Variants in CD2 observed in about 807,000 individuals in gnomAD.
The protein encoded by CD2 is T-cell surface antigen CD2.
In CD2, 18 loss-of-function variants were observed where a neutral mutation model predicts 23.2. The observed-to-expected ratio is 0.77, with a 90% confidence interval of 0.54 to 1.15. The LOEUF is 1.15. CD2 is among the 50% of genes most tolerant of loss of function. CD2 has a pLI of 0.00. For missense variants in CD2, 424 were observed against 423.1 expected (o/e 1.00, Z -0.02); for synonymous variants, 162 against 151.9 (o/e 1.07, Z -0.49).
In CD2 at chr1:116,768,879, A is replaced by T; in HGVS notation, c.*96A>T. 8.0e-7 allele frequency: 1 copy of T among 1,254,480 alleles called. No homozygotes were observed. The highest frequency in any genetic ancestry group is 1.5e-5 in the African/African-American group (1 of 66,054). The allele number at this position is 1,254,480 out of a possible 1,614,324, so 77.7% of individuals were successfully genotyped here. ...CTTCCATGAGGTGTTTTCTGTGTGC[A>T]GAACATTGTCACCTCCTGAGGCTGT... On this transcript the variant is annotated 3_prime_UTR_variant, in exon 5 of 5. Transcript: ENST00000369478.
chr1:116,762,454 C>T (rs3136706), intron 3 of CD2, among the ~76,000 whole-genome samples: 40,519 of 151,924 alleles, frequency 0.27, 5,524 homozygotes, highest in South Asian at 0.37. Context: ...CGAGAAGGAC[C>T]ACTAGGGAGA....
intron 3 of CD2, among the ~76,000 whole-genome samples, chr1:116,761,305 G>A (rs993686431): frequency 3.9e-5 from 6 of 152,240 alleles, no homozygotes; most frequent in Non-Finnish European, 8.8e-5. Context: ...CCTGGGAGTA[G>A]AGGTCTGGAC....
chr1:116,767,538 C>T (rs554915642), intron 4 of CD2, among the ~76,000 whole-genome samples: 1 of 151,416 alleles, frequency 6.6e-6, no homozygotes, highest in African/African-American at 2.4e-5. Flanking sequence ...CTGCAGTGAG[C>T]CAAGATCGCA....
chr1:116,765,173 G>T (rs1478972136), intron 4 of CD2, among the ~76,000 whole-genome samples: 5 of 152,300 alleles, frequency 3.3e-5, no homozygotes, highest in South Asian at 2.1e-4. Flanking sequence ...GCAATGAAAA[G>T]GTTATGCTTG....
At chr1:116,757,914 C>T (rs1431388339) in intron 2 of CD2, among the ~76,000 whole-genome samples, 2 of 151,814 alleles carry the variant, frequency 1.3e-5, no homozygotes, top group South Asian at 4.2e-4. Flanking sequence ...GGATTAGAGG[C>T]GCATGCCAAC....
At chr1:116,764,814 C>T (rs1652166083) in intron 4 of CD2, 2 of 558,908 alleles carry the variant, frequency 3.6e-6, no homozygotes, top group Admixed American at 3.1e-5. Flanking sequence ...AATGTGGGAG[C>T]TTTGAGACAC....
Position 116,767,245 on chromosome 1 carries a change from A to T in CD2, c.737-1219A>T, listed in dbSNP as rs114066987. On this transcript the variant is annotated intron_variant, in intron 4 of 4. Coordinates refer to ENST00000369478, the MANE Select transcript of CD2 (RefSeq NM_001767.5). ...ATCAACATCCGGAAGTTACAGGGTG[A>T]TGCTTAGAGAGGGCTTGTGCTTCCC... 3.4e-3 allele frequency among the ~76,000 whole-genome samples: 525 copies of T among 152,286 alleles called. 3 individuals carry two copies. The highest frequency in any genetic ancestry group is 8.3e-3 in the Admixed American group (127 of 15,298).
chr1:116,762,774 C>T (rs967625735), intron 3 of CD2, among the ~76,000 whole-genome samples: 1 of 152,202 alleles, frequency 6.6e-6, no homozygotes, highest in African/African-American at 2.4e-5. Context: ...ACAGTGCCAC[C>T]GCTGCTTCTG....
intron 4 of CD2, among the ~76,000 whole-genome samples, chr1:116,768,071 A>C (rs1208601571): frequency 6.6e-6 from 1 of 152,216 alleles, no homozygotes; most frequent in African/African-American, 2.4e-5. Context: ...TGTAGTTACT[A>C]ATATCCTCCA....
At chr1:116,760,720 T>G in intron 3 of CD2, 88 bp downstream of exon 3, 1 of 997,416 alleles carries the variant, frequency 1.0e-6, no homozygotes, top group Non-Finnish European at 1.6e-6. Context: ...GTGCTCATGC[T>G]GGGAGGCAGC....
intron 4 of CD2, 103 bp from the exon 5 acceptor site, chr1:116,768,361 C>A: frequency 1.8e-6 from 2 of 1,083,608 alleles, no homozygotes; most frequent in African/African-American, 1.6e-5. Flanking sequence ...CTCATTGCAT[C>A]CCCCAAAGCA....
chr1:116,755,052 CA>C (rs1231575433), intron 2 of CD2, 101 bp downstream of exon 2: 11 of 790,574 alleles, frequency 1.4e-5, no homozygotes, highest in Non-Finnish European at 2.0e-5. Context: ...CCTCTGCCTC[CA>C]GGGGGGCTAT....
At chr1:116,758,248 G>T in intron 2 of CD2, among the ~76,000 whole-genome samples, 1 of 152,206 alleles carries the variant, frequency 6.6e-6, no homozygotes. Context: ...GCCCACGGAT[G>T]CTGGGCAGGG....
intron 4 of CD2, 163 bp downstream of exon 4, chr1:116,764,769 G>A: frequency 1.6e-6 from 1 of 624,846 alleles, no homozygotes; most frequent in Non-Finnish European, 2.8e-6. Flanking sequence ...TTTGTGGTTA[G>A]CTTGATTTTT....
At chr1:116,768,280 A>G (rs1335057673) in intron 4 of CD2, among the ~76,000 whole-genome samples, 184 bp from the exon 5 acceptor site, 4 of 152,044 alleles carry the variant, frequency 2.6e-5, no homozygotes, top group Non-Finnish European at 5.9e-5. Context: ...CTTTCACTCT[A>G]CCTTATGGTG....
intron 2 of CD2, among the ~76,000 whole-genome samples, chr1:116,759,058 T>C (rs1324620341): frequency 6.6e-6 from 1 of 152,092 alleles, no homozygotes; most frequent in Non-Finnish European, 1.5e-5. Flanking sequence ...ATCACCACAA[T>C]CATGTTACTG....
At chr1:116,757,750 TATAG>T (rs1388867392) in intron 2 of CD2, among the ~76,000 whole-genome samples, 17 of 149,328 alleles carry the variant, frequency 1.1e-4, no homozygotes, top group African/African-American at 3.5e-4. Context: ...CATATATATA[TATAG>T]AGAGAGAGAG....
Position 116,768,767 on chromosome 1 carries a change from C to T in CD2, c.1040C>T (p.Ser347Phe), listed in dbSNP as rs199707099. The part of the protein sequence containing the change: ...PPHGAAENSL[S>F]PSSN Reference sequence around the variant, plus strand: ...CATGGGGCAGCAGAAAACTCATTGTCCCCTTCCTCTAATTAAAAAAGATAG... The same window carrying T: ...CATGGGGCAGCAGAAAACTCATTGTTCCCTTCCTCTAATTAAAAAAGATAG... The change falls in exon 5 of 5, where the codon TCC becomes TTC. Residue 347 changes from serine to phenylalanine, a missense_variant. Physicochemically the swap from Ser to Phe is radical, Grantham distance 155. Coordinates refer to ENST00000369478, the MANE Select transcript of CD2 (RefSeq NM_001767.5). 8 of 1,609,182 alleles carry T rather than the reference C, an allele frequency of 5.0e-6. No individual in the cohort carries two copies. The highest frequency in any genetic ancestry group is 2.5e-6 in the Non-Finnish European group (3 of 1,178,400).
chr1:116,760,018 T>C (rs1651989685), intron 2 of CD2, among the ~76,000 whole-genome samples: 1 of 152,206 alleles, frequency 6.6e-6, no homozygotes, highest in Non-Finnish European at 1.5e-5. Flanking sequence ...CTGCCATGTT[T>C]TAGGTGGTGC....
Sources: gnomAD v4.1 joint callset for allele counts (sites outside exome capture counted in the v4.1 genomes callset) on GRCh38, gnomAD v4.1.1 for gene constraint, MANE v1.5 for transcripts, NCBI Gene and HGNC (gene_info 2026-07-23, HGNC 2026-07-21) for gene names.